MRPL16: variants seen among roughly 807,000 people sequenced by gnomAD.
The protein encoded by MRPL16 is large ribosomal subunit protein uL16m.
Under a neutral mutation model 22.7 loss-of-function variants are expected in MRPL16, and 17 were observed. The ratio of observed to expected loss-of-function variants is 0.75; its 90% CI spans 0.51 to 1.12. The LOEUF (loss-of-function observed/expected upper bound fraction) is 1.12, where lower values mean the gene tolerates loss of function less well. MRPL16 is among the 50% of genes most tolerant of loss of function. The pLI, the probability that MRPL16 is intolerant of heterozygous loss-of-function variation, is 0.00. For synonymous variants in MRPL16, 103 were observed against 112.8 expected, an observed-to-expected ratio of 0.91 and a Z score of 0.55; for missense variants, 316 against 328.7, an observed-to-expected ratio of 0.96 and a Z score of 0.30.
chr11:59,807,035 G>T lies in MRPL16; in HGVS notation c.271-203C>A, dbSNP rs1043639057. ...CCCATTTCAGTGGAGAGCCAGGAAG[G>T]CTTCTTTGAAGAGGTGACATCTAAA... On this transcript the variant is annotated intron_variant, in intron 3 of 3. Transcript: ENST00000300151. Among the ~76,000 whole-genome samples the T allele has an allele frequency of 2.6e-5, 4 of 152,334 alleles. No individual in the cohort carries two copies. The East Asian group carries it at 7.7e-4, about 29-fold the overall frequency.
rs776380631 is a variant in MRPL16, at chr11:59,807,786, A to C, written c.185T>G (p.Val62Gly). 2.5e-6 allele frequency: 4 copies of C among 1,613,496 alleles called. No individual in the cohort carries two copies. The highest frequency in any genetic ancestry group is 2.7e-5 in the African/African-American group (2 of 74,924). ...FIERAPLVPK[V>G]RREPKNLSDI... Reference sequence around the variant, plus strand: ...ACTTAAATTTTTAGGTTCTCTTCTTACTTTTGGCACAAGTGGTGCCCTTTC... The same window carrying C: ...ACTTAAATTTTTAGGTTCTCTTCTTCCTTTTGGCACAAGTGGTGCCCTTTC... The change falls in exon 3 of 4, where the codon GTA becomes GGA. Residue 62 changes from valine (V) to glycine (G), a missense_variant. Coordinates refer to ENST00000300151, the MANE Select transcript of MRPL16 (RefSeq NM_017840.4).
intron 2 of MRPL16, 120 bp from the exon 3 acceptor site, chr11:59,807,969 A>G (rs546425949): frequency 1.7e-6 from 2 of 1,209,668 alleles, no homozygotes; most frequent in Admixed American, 5.1e-5. Context: ...TTTTTGGTAG[A>G]GACAGGGTCT....
At chr11:59,808,285 A>G (rs1024918879) in intron 2 of MRPL16, among the ~76,000 whole-genome samples, 2 of 152,210 alleles carry the variant, frequency 1.3e-5, no homozygotes, top group Non-Finnish European at 2.9e-5. Flanking sequence ...TGTAACAGGG[A>G]TTGTTTGGAA....
intron 3 of MRPL16, 104 bp downstream of exon 3, chr11:59,807,597 C>G (rs1289623609): frequency 2.3e-6 from 3 of 1,307,360 alleles, no homozygotes; most frequent in Non-Finnish European, 1.0e-6. Flanking sequence ...GGTGGCAGTT[C>G]TAATAAAAAC....
intron 3 of MRPL16, 44 bp downstream of exon 3, chr11:59,807,657 C>T: frequency 6.3e-7 from 1 of 1,576,028 alleles, no homozygotes; most frequent in Non-Finnish European, 8.6e-7. Flanking sequence ...TTTTGTTATT[C>T]CCTAGCTTCC....
chr11:59,810,676 G>T lies in MRPL16; in HGVS notation c.-18C>A. The T allele has an allele frequency of 6.2e-7, 1 of 1,613,610 alleles. No individual in the cohort carries two copies. Among genetic ancestry groups the T allele is most frequent in the Non-Finnish European group, 8.5e-7 (1 of 1,179,764 alleles). On this transcript the variant is annotated 5_prime_UTR_variant, in exon 1 of 4. Transcript: ENST00000300151. ...CTCCACATGGTCACGGGCGTCCGGC[G>T]GCGCGGAGCTCCCCCAGCGACTCCG...
chr11:59,810,669 G>A lies in MRPL16; in HGVS notation c.-11C>T, dbSNP rs771479850. The A allele has an allele frequency of 6.2e-7, 1 of 1,613,614 alleles. No homozygotes were observed. The highest frequency in any genetic ancestry group is 1.3e-5 in the African/African-American group (1 of 74,940). Reference sequence around the variant, plus strand: ...CAGCAGCCTCCACATGGTCACGGGCGTCCGGCGGCGCGGAGCTCCCCCAGC... The same window carrying A: ...CAGCAGCCTCCACATGGTCACGGGCATCCGGCGGCGCGGAGCTCCCCCAGC... On this transcript the variant is annotated 5_prime_UTR_variant, in exon 1 of 4. In the 5' UTR this introduces an upstream ATG that the reference lacks. Transcript: ENST00000300151.
chr11:59,807,844 A>G lies in MRPL16; in HGVS notation c.127T>C (p.Ser43Pro), dbSNP rs1866129695. 1 of 1,606,608 alleles carries G rather than the reference A, an allele frequency of 6.2e-7. No individual in the cohort carries two copies. The highest frequency in any genetic ancestry group is 8.5e-7 in the Non-Finnish European group (1 of 1,177,294). ...CTAAGCTTGGGTTTTTCAGGAATGGAAACATCTAAAAGAAGCACAGACAAC... is the reference window on the plus strand; with the variant it reads ...CTAAGCTTGGGTTTTTCAGGAATGGGAACATCTAAAAGAAGCACAGACAAC... ...LLPVPSFEDV[S>P]IPEKPKLRFI... The change falls in exon 3 of 4, where the codon TCC (serine) becomes CCC (proline). Residue 43 changes from serine (S) to proline (P), a missense_variant. By Grantham distance (74) the Ser-to-Pro change is moderately conservative. Coordinates refer to ENST00000300151, the MANE Select transcript of MRPL16 (RefSeq NM_017840.4).
At chr11:59,810,069 G>C in intron 1 of MRPL16, 149 bp from the exon 2 acceptor site, 2 of 683,966 alleles carry the variant, frequency 2.9e-6, no homozygotes, top group South Asian at 2.3e-5. Flanking sequence ...GCAGTGGCGC[G>C]ATCTCGGCTC....
Position 59,810,730 on chromosome 11 carries a change from G to C in MRPL16, c.-72C>G. ...GTCTCCTGCACCCAGGTAAGCAGCG[G>C]CGCTCCACTACCTAGCTGTAATCGG... is the stretch of plus-strand genomic sequence containing the variant. On this transcript the variant is annotated 5_prime_UTR_variant, in exon 1 of 4. Coordinates refer to ENST00000300151, the MANE Select transcript of MRPL16 (RefSeq NM_017840.4). 1 of 1,571,564 alleles carries C rather than the reference G, an allele frequency of 6.4e-7. No homozygotes were observed. Among genetic ancestry groups the C allele is most frequent in the Non-Finnish European group, 8.7e-7 (1 of 1,143,410 alleles).
chr11:59,810,646 G>C lies in MRPL16; in HGVS notation c.13C>G (p.Leu5Val). The change falls in exon 1 of 4, where the codon CTG becomes GTG. Residue 5 changes from leucine (L) to valine (V), a missense_variant. Coordinates refer to ENST00000300151, the MANE Select transcript of MRPL16 (RefSeq NM_017840.4). MWRL[L>V]ARASAPLLRV... ...AGGAGCGGCGCACTAGCGCGAGCCAGCAGCCTCCACATGGTCACGGGCGTC... is the reference window on the plus strand; with the variant it reads ...AGGAGCGGCGCACTAGCGCGAGCCACCAGCCTCCACATGGTCACGGGCGTC... 1 of 1,614,144 alleles carries C rather than the reference G, an allele frequency of 6.2e-7. No individual in the cohort carries two copies. The highest frequency in any genetic ancestry group is 8.5e-7 in the Non-Finnish European group (1 of 1,179,972).
chr11:59,809,718 C>T, intron 2 of MRPL16, 137 bp downstream of exon 2: 3 of 842,520 alleles, frequency 3.6e-6, no homozygotes, highest in Non-Finnish European at 5.6e-6. Context: ...GTTGGCAAAA[C>T]TGTAAGCTCT....
intron 1 of MRPL16, 155 bp downstream of exon 1, chr11:59,810,449 C>A: frequency 6.8e-7 from 1 of 1,478,028 alleles, no homozygotes; most frequent in Non-Finnish European, 9.0e-7. Context: ...CTTGCACGAA[C>A]CCCTACGGTG....
chr11:59,809,166 G>T (rs1417007421), intron 2 of MRPL16, among the ~76,000 whole-genome samples: 1 of 151,978 alleles, frequency 6.6e-6, no homozygotes, highest in Non-Finnish European at 1.5e-5. Context: ...TTTTTTTGAG[G>T]GTTCCAGTAT....
In MRPL16 at chr11:59,807,936, G is replaced by A. The variant is rs995630232; in HGVS notation, c.122-87C>T. On this transcript the variant is annotated intron_variant, in intron 2 of 3. Coordinates refer to ENST00000300151, the MANE Select transcript of MRPL16 (RefSeq NM_017840.4). ...CTAGAAAGATTTATAACAGGTGAAA[G>A]TCTTAATTTCTTTCTTCTTCATTTT... 14 of 1,375,682 alleles carry A rather than the reference G, an allele frequency of 1.0e-5. No homozygotes were observed. The Admixed American group carries it at 2.3e-4, about 22-fold the overall frequency. 85.2% of individuals were successfully genotyped at this position (1,375,682 alleles called of 1,614,324 possible). A position where few individuals can be genotyped will look rare whatever the true frequency, so the allele number is the denominator to read the frequency against.
chr11:59,809,079 A>G (rs189152456), intron 2 of MRPL16, among the ~76,000 whole-genome samples: 2 of 152,324 alleles, frequency 1.3e-5, no homozygotes, highest in East Asian at 3.8e-4. Context: ...TCTTTCACCT[A>G]CAAGTCAAAA....
Position 59,806,852 on chromosome 11 carries a change from T to C in MRPL16, c.271-20A>G, listed in dbSNP as rs1453273925. 2.0e-5 allele frequency: 32 copies of C among 1,596,864 alleles called. No individual in the cohort carries two copies. Among genetic ancestry groups the C allele is most frequent in the Non-Finnish European group, 2.7e-5 (31 of 1,166,880 alleles). On this transcript the variant is annotated intron_variant, in intron 3 of 3. Transcript: ENST00000300151. ...CAATGCCTAAAAGTGAATGGGAGAATTAGAAACACATGCGGACTTCGACAT... is the reference window on the plus strand; with the variant it reads ...CAATGCCTAAAAGTGAATGGGAGAACTAGAAACACATGCGGACTTCGACAT...
Position 59,806,525 on chromosome 11 carries a change from C to T in MRPL16, c.578G>A (p.Gly193Glu), listed in dbSNP as rs1305297868. Residue 193 changes from glycine to glutamate, a missense_variant, in exon 4 of 4, where the codon GGG (glycine) becomes GAG (glutamate). Coordinates refer to ENST00000300151, the MANE Select transcript of MRPL16 (RefSeq NM_017840.4). ...ATCTTTTCGCATCTTCTCTAGAGTCCCGCGGCTCACAGCCTTTGCTGCGAA... is the reference window on the plus strand; with the variant it reads ...ATCTTTTCGCATCTTCTCTAGAGTCTCGCGGCTCACAGCCTTTGCTGCGAA... ...LPFAAKAVSRGTLEKMRKDQE... is the reference protein window; with the variant it reads ...LPFAAKAVSRETLEKMRKDQE... The T allele has an allele frequency of 1.2e-6, 2 of 1,614,218 alleles. No individual in the cohort carries two copies. Among genetic ancestry groups the T allele is most frequent in the Non-Finnish European group, 1.7e-6 (2 of 1,180,044 alleles).
In MRPL16 at chr11:59,809,939, T is replaced by A; in HGVS notation, c.56-19A>T. On this transcript the variant is annotated intron_variant, in intron 1 of 3. Transcript: ENST00000300151. ...CAGGAATCTACAAAGACAAATCAAG[T>A]TAAACGACGAAGGTAACAGGCCGGG... 1 of 1,606,782 alleles carries A rather than the reference T, an allele frequency of 6.2e-7. No homozygotes were observed. The highest frequency in any genetic ancestry group is 1.1e-5 in the South Asian group (1 of 90,408).
Sources: allele counts gnomAD v4.1 joint callset (sites outside exome capture counted in the v4.1 genomes callset), GRCh38; gene constraint gnomAD v4.1.1; transcripts MANE v1.5; gene names NCBI Gene and HGNC (gene_info 2026-07-23, HGNC 2026-07-21).